The following MCM2 variants were observed in gnomAD, a reference collection of about 807,000 sequenced individuals.
MCM2 encodes the protein DNA replication licensing factor MCM2.
In MCM2, 49 loss-of-function variants were observed where a neutral mutation model predicts 86.4. The ratio of observed to expected loss-of-function variants is 0.57; its 90% CI spans 0.45 to 0.72. The LOEUF (loss-of-function observed/expected upper bound fraction) is 0.72, where lower values mean the gene tolerates loss of function less well. MCM2 is among the 30% of genes least tolerant of loss of function. The pLI, the probability that MCM2 is intolerant of heterozygous loss-of-function variation, is 0.00. For missense variants in MCM2, 1,038 were observed against 1,259.9 expected (o/e 0.82, Z 2.67); for synonymous variants, 475 against 484.6 (o/e 0.98, Z 0.26).
Position 127,608,812 on chromosome 3 carries a change from T to C in MCM2, c.1237-20T>C. The C allele has an allele frequency of 6.2e-7, 1 of 1,612,734 alleles. No individual in the cohort carries two copies. Among genetic ancestry groups the C allele is most frequent in the Non-Finnish European group, 8.5e-7 (1 of 1,179,088 alleles). On this transcript the variant is annotated intron_variant, in intron 7 of 15. Coordinates refer to ENST00000265056, the MANE Select transcript of MCM2 (RefSeq NM_004526.4). ...ACCCCTGGGTTAGGCTCTGACTTCT[T>C]GGCCCCTCCCTTTCCCCAGGAGCTG...
In MCM2 at chr3:127,606,479, G is replaced by T; in HGVS notation, c.894-131G>T. 8.6e-7 allele frequency: 1 copy of T among 1,166,944 alleles called. No individual in the cohort carries two copies. Among genetic ancestry groups the T allele is most frequent in the Non-Finnish European group, 1.2e-6 (1 of 810,688 alleles). 72.3% of individuals were successfully genotyped at this position (1,166,944 alleles called of 1,614,324 possible). On this transcript the variant is annotated intron_variant, in intron 5 of 15. Coordinates refer to ENST00000265056, the MANE Select transcript of MCM2 (RefSeq NM_004526.4). The surrounding 1 kb of genome is among the most constrained non-coding windows in gnomAD (Gnocchi z 4.2). ...TCGCAGGTGAGTTGTGGTTGCACAGGAGTGTGATGGGAGGGATCTTCCCGG... is the reference window on the plus strand; with the variant it reads ...TCGCAGGTGAGTTGTGGTTGCACAGTAGTGTGATGGGAGGGATCTTCCCGG...
rs753224670 is a variant in MCM2, at chr3:127,608,993, C to T, written c.1398C>T (p.Ser466=). The T allele has an allele frequency of 1.2e-6, 2 of 1,614,138 alleles. No individual in the cohort carries two copies. The highest frequency in any genetic ancestry group is 2.2e-5 in the South Asian group (2 of 91,088). The change falls in exon 8 of 16, where the codon AGC becomes AGT. Residue 466 remains serine, a synonymous_variant. Coordinates refer to ENST00000265056, the MANE Select transcript of MCM2 (RefSeq NM_004526.4). ...ATGAAGATGTGAAGATGATCACTAG[C>T]CTCTCCAAGGATCAGCAGATCGGAG... ...LTDEDVKMIT[S]LSKDQQIGEK...
Position 127,618,990 on chromosome 3 carries a change from C to A in MCM2, c.2014-37C>A. ...ACTGACCTCCCCAAAGCCACGCACA[C>A]CCACAATCAGACCCACCCTCTCATG... On this transcript the variant is annotated intron_variant, in intron 12 of 15. Transcript: ENST00000265056. The surrounding 1 kb of genome is among the most constrained non-coding windows in gnomAD (Gnocchi z 4.0). 1 of 1,540,762 alleles carries A rather than the reference C, an allele frequency of 6.5e-7. No individual in the cohort carries two copies.
Position 127,598,443 on chromosome 3 carries a change from G to C in MCM2, c.-24G>C. On this transcript the variant is annotated 5_prime_UTR_variant, in exon 1 of 16. Coordinates refer to ENST00000265056, the MANE Select transcript of MCM2 (RefSeq NM_004526.4). ...CGCGAAACCTGGTTGTTGCTGTAGT[G>C]GCGGAGAGGATCGTGGTACTGCTAT... The C allele has an allele frequency of 6.2e-7, 1 of 1,613,518 alleles. No individual in the cohort carries two copies. The highest frequency in any genetic ancestry group is 1.3e-5 in the African/African-American group (1 of 75,028).
Position 127,621,227 on chromosome 3 carries a change from A to C in MCM2, c.2603A>C (p.Lys868Thr), listed in dbSNP as rs754419858. The change falls in exon 15 of 16, where the codon AAG becomes ACG. Residue 868 changes from lysine (K) to threonine (T), a missense_variant and splice_region_variant. By Grantham distance (78) the Lys-to-Thr change is moderately conservative (BLOSUM62 -1). Coordinates refer to ENST00000265056, the MANE Select transcript of MCM2 (RefSeq NM_004526.4). ...IEVPEKDLVD[K>T]ARQINIHNLS... Reference sequence around the variant, plus strand: ...GTCCCTGAGAAGGACTTGGTGGATAAGGTATGGGCCCGGAAGGGAGGTGAG... The same window carrying C: ...GTCCCTGAGAAGGACTTGGTGGATACGGTATGGGCCCGGAAGGGAGGTGAG... The C allele has an allele frequency of 3.1e-6, 5 of 1,613,858 alleles. No homozygotes were observed. Among genetic ancestry groups the C allele is most frequent in the Non-Finnish European group, 4.2e-6 (5 of 1,180,028 alleles).
intron 8 of MCM2, chr3:127,611,046 A>G: frequency 2.3e-6 from 1 of 442,348 alleles, no homozygotes; most frequent in Admixed American, 2.4e-5. Flanking sequence ...GTTCCCAATA[A>G]TAGGAAATAG....
chr3:127,617,542 T>TATCCTGCCAGAGTGGGGAACAGTGAA lies in MCM2; in HGVS notation c.1900+139_1900+164dup. ...CAGCAGAGGGTTCCCCTCTTCTGCATATCCTGCCAGAGTGGGGAACAGTGA... is the reference window on the plus strand; with the variant it reads ...CAGCAGAGGGTTCCCCTCTTCTGCATATCCTGCCAGAGTGGGGAACAGTGAAATCCTGCCAGAGTGGGGAACAGTGA... On this transcript the variant is annotated intron_variant, in intron 11 of 15. Transcript: ENST00000265056. This position sits in a 1 kb window ranked among gnomAD's most constrained non-coding sequence, Gnocchi z 4.1. 1 of 1,117,068 alleles carries TATCCTGCCAGAGTGGGGAACAGTGAA rather than the reference T, an allele frequency of 9.0e-7. No individual in the cohort carries two copies. The highest frequency in any genetic ancestry group is 1.2e-6 in the Non-Finnish European group (1 of 807,290). 69.2% of individuals were successfully genotyped at this position (1,117,068 alleles called of 1,614,324 possible).
At chr3:127,620,964 G>C in intron 14 of MCM2, 84 bp downstream of exon 14, 3 of 1,570,090 alleles carry the variant, frequency 1.9e-6, no homozygotes, top group South Asian at 1.2e-5. Context: ...TGGCCTGGAC[G>C]TGCACCCAGG....
chr3:127,610,753 G>T (rs1341494432), intron 8 of MCM2: 6 of 456,354 alleles, frequency 1.3e-5, no homozygotes, highest in South Asian at 9.3e-5. Flanking sequence ...GCATTTGTGG[G>T]CTTATATGTT....
chr3:127,615,880 C>T lies in MCM2; in HGVS notation c.1447C>T (p.Pro483Ser), dbSNP rs767616299. The T allele has an allele frequency of 2.0e-5, 33 of 1,614,014 alleles. 1 individual carries two copies. The South Asian group carries it at 2.9e-4, about 14-fold the overall frequency. Residue 483 changes from proline to serine, a missense_variant, in exon 9 of 16, where the codon CCT becomes TCT. Pro to Ser is a moderately conservative substitution (Grantham distance 74, BLOSUM62 -1). Around this residue, in one of 4 missense-constraint regions of MCM2, gnomAD observed 399 missense variants for 507.2 expected, o/e 0.79. Coordinates refer to ENST00000265056, the MANE Select transcript of MCM2 (RefSeq NM_004526.4). Reference sequence around the variant, plus strand: ...TTCTCAGATCTTTGCCAGCATTGCTCCTTCCATCTATGGTCATGAAGACAT... The same window carrying T: ...TTCTCAGATCTTTGCCAGCATTGCTTCTTCCATCTATGGTCATGAAGACAT... ...IGEKIFASIA[P>S]SIYGHEDIKR...
intron 2 of MCM2, chr3:127,604,281 G>A (rs551555722): frequency 1.5e-4 from 37 of 247,424 alleles, no homozygotes; most frequent in African/African-American, 6.4e-4. Context: ...GAATTTGACC[G>A]CTCAGTGAGT....
chr3:127,603,956 G>A (rs538047618), intron 2 of MCM2, among the ~76,000 whole-genome samples: 7 of 152,074 alleles, frequency 4.6e-5, no homozygotes, highest in South Asian at 2.1e-4. Flanking sequence ...CACCGTGCCC[G>A]GCCATTTTCT....
rs756918512 is a variant in MCM2 at position 127,599,311 on chromosome 3, C to A, written c.7-7C>A. ...TAGGTTTCTGACAACCGCACCTTCT[C>A]TTGCAGGAATCATCGGAATCCTTCA... On this transcript the variant is annotated splice_polypyrimidine_tract_variant and splice_region_variant and intron_variant, in intron 1 of 15. Coordinates refer to ENST00000265056, the MANE Select transcript of MCM2 (RefSeq NM_004526.4). 7.4e-6 allele frequency: 12 copies of A among 1,613,632 alleles called. No homozygotes were observed. Among genetic ancestry groups the A allele is most frequent in the Non-Finnish European group, 9.3e-6 (11 of 1,179,574 alleles).
intron 6 of MCM2, among the ~76,000 whole-genome samples, chr3:127,607,380 C>T (rs894262210): frequency 6.6e-6 from 1 of 152,246 alleles, no homozygotes; most frequent in African/African-American, 2.4e-5. Flanking sequence ...GCTGTGGTGG[C>T]GCCCAGGCCC....
At chr3:127,611,168 C>T (rs2074392181) in intron 8 of MCM2, among the ~76,000 whole-genome samples, 1 of 152,244 alleles carries the variant, frequency 6.6e-6, no homozygotes, top group Admixed American at 6.5e-5. Context: ...ATGAGTGCTA[C>T]CACAGTGGAC....
At chr3:127,605,995 TG>T in intron 4 of MCM2, 122 bp from the exon 5 acceptor site, 1 of 710,598 alleles carries the variant, frequency 1.4e-6, no homozygotes, top group Non-Finnish European at 2.5e-6. Flanking sequence ...AAGTGAAAGC[TG>T]GGCTTTCTAG....
rs1464494919 is a variant in MCM2 at position 127,618,045 on chromosome 3, C to T, written c.1977C>T (p.Ile659=). 6.2e-7 allele frequency: 1 copy of T among 1,613,980 alleles called. No homozygotes were observed. Among genetic ancestry groups the T allele is most frequent in the Non-Finnish European group, 8.5e-7 (1 of 1,180,014 alleles). Residue 659 remains isoleucine, a synonymous_variant, in exon 12 of 16, where the codon ATC becomes ATT. Transcript: ENST00000265056. This position sits in a 1 kb window ranked among gnomAD's most constrained non-coding sequence, Gnocchi z 4.0. Reference sequence around the variant, plus strand: ...AGCCCATCATCTCACGCTTTGACATCCTGTGTGTGGTGAGGGACACCGTGG... The same window carrying T: ...AGCCCATCATCTCACGCTTTGACATTCTGTGTGTGGTGAGGGACACCGTGG... ...LTEPIISRFD[I]LCVVRDTVDP...
At chr3:127,612,743 A>G (rs1323586646) in intron 8 of MCM2, among the ~76,000 whole-genome samples, 2 of 152,106 alleles carry the variant, frequency 1.3e-5, no homozygotes, top group Non-Finnish European at 2.9e-5. Flanking sequence ...TGGGCACTCT[A>G]TCCCTGTTTG....
chr3:127,619,117 G>C lies in MCM2; in HGVS notation c.2104G>C (p.Ala702Pro). ...EEEGLANGSA[A>P]EPAMPNTYGV... The stretch of plus-strand genomic sequence containing the variant: ...GGAGGGGCTGGCCAATGGCAGCGCT[G>C]CTGAGCCCGCCATGCCCAACACGTA... The change falls in exon 13 of 16, where the codon GCT (alanine) becomes CCT (proline). Residue 702 changes from alanine (A) to proline (P), a missense_variant. Coordinates refer to ENST00000265056, the MANE Select transcript of MCM2 (RefSeq NM_004526.4). 3.7e-6 allele frequency: 6 copies of C among 1,613,426 alleles called. No homozygotes were observed. Among genetic ancestry groups the C allele is most frequent in the East Asian group, 2.2e-5 (1 of 44,862 alleles).
Sources: allele counts gnomAD v4.1 joint callset (sites outside exome capture counted in the v4.1 genomes callset), GRCh38; gene constraint gnomAD v4.1.1; regional missense constraint gnomAD v4.1.1; non-coding constraint Gnocchi (gnomAD v3.1); transcripts MANE v1.5; gene names NCBI Gene and HGNC (gene_info 2026-07-23, HGNC 2026-07-21).